Variants in ZNF469 observed in about 807,000 individuals in gnomAD.
The protein encoded by ZNF469 is zinc finger protein 469.
In ZNF469, 1 loss-of-function variant was observed where a neutral mutation model predicts 1.0. That is an observed-to-expected ratio of 1.00 (90% CI 0.35 to 4.73). The LOEUF is 4.73. ZNF469 is among the 30% of genes most tolerant of loss of function. The pLI is 0.16. For missense variants in ZNF469, 6,100 were observed against 5,356.3 expected (o/e 1.14, Z -4.33); for synonymous variants, 2,703 against 2,363.4 (o/e 1.14, Z -4.17).
At chr16:88,112,756 C>G in the ZNF469 span, among the ~76,000 whole-genome samples, 1 of 146,440 alleles carries the variant, frequency 6.8e-6, no homozygotes, top group South Asian at 2.2e-4. Context: ...GGATTGCTCT[C>G]TCTGCTGTGC....
chr16:88,353,098 C>T, the ZNF469 span, among the ~76,000 whole-genome samples: 1 of 152,138 alleles, frequency 6.6e-6, no homozygotes, highest in Non-Finnish European at 1.5e-5. Flanking sequence ...GAGGGAAACC[C>T]TTAGGTGGGC....
intron 1 of ZNF469, among the ~76,000 whole-genome samples, chr16:88,392,036 T>C (rs1904505161): frequency 6.6e-6 from 1 of 152,252 alleles, no homozygotes; most frequent in Non-Finnish European, 1.5e-5. Context: ...ATACAATATC[T>C]TATGCAGGCT....
At chr16:88,294,236 G>A in the ZNF469 span, among the ~76,000 whole-genome samples, 1 of 152,232 alleles carries the variant, frequency 6.6e-6, no homozygotes, top group African/African-American at 2.4e-5. Flanking sequence ...AGAACCAACT[G>A]TGCAGAACCA....
chr16:88,146,341 G>C, the ZNF469 span, among the ~76,000 whole-genome samples: 1 of 152,298 alleles, frequency 6.6e-6, no homozygotes, highest in Admixed American at 6.5e-5. Context: ...GGCTGTCTTT[G>C]TGCCTGCTCC....
the ZNF469 span, among the ~76,000 whole-genome samples, chr16:88,136,298 C>T: frequency 6.6e-6 from 1 of 152,252 alleles, no homozygotes; most frequent in Non-Finnish European, 1.5e-5. Context: ...GCCCGCCCTA[C>T]AGGCACAGAT....
chr16:88,359,015 C>A, the ZNF469 span, among the ~76,000 whole-genome samples: 1 of 152,178 alleles, frequency 6.6e-6, no homozygotes, highest in Non-Finnish European at 1.5e-5. Context: ...CTCACTTCTA[C>A]GGGGACTCCC....
At chr16:88,135,192 C>T in the ZNF469 span, among the ~76,000 whole-genome samples, 2 of 152,234 alleles carry the variant, frequency 1.3e-5, no homozygotes, top group African/African-American at 2.4e-5. Flanking sequence ...ATGAAGGAAT[C>T]GTCTCTGTAA....
the ZNF469 span, among the ~76,000 whole-genome samples, chr16:88,213,849 G>T: frequency 2.7e-3 from 416 of 152,290 alleles, 1 homozygote; most frequent in African/African-American, 9.7e-3. Flanking sequence ...TTTGCTCCCA[G>T]CTTTCCGCAG....
chr16:88,264,126 C>T, the ZNF469 span, among the ~76,000 whole-genome samples: 10 of 152,226 alleles, frequency 6.6e-5, no homozygotes, highest in Middle Eastern at 3.4e-3. Flanking sequence ...ACAGGGGCCA[C>T]GTCCTCTGCA....
At chr16:88,417,476 C>A (rs904141879) in intron 1 of ZNF469, among the ~76,000 whole-genome samples, 1 of 152,192 alleles carries the variant, frequency 6.6e-6, no homozygotes, top group Admixed American at 6.5e-5. Context: ...CCTTGGGATA[C>A]CCGCCTGGCT....
At chr16:88,142,541 T>C in the ZNF469 span, among the ~76,000 whole-genome samples, 1 of 152,146 alleles carries the variant, frequency 6.6e-6, no homozygotes, top group Non-Finnish European at 1.5e-5. Context: ...AGAAGGTCCT[T>C]ATCAACAGCA....
At chr16:88,224,314 C>T in the ZNF469 span, among the ~76,000 whole-genome samples, 2 of 152,178 alleles carry the variant, frequency 1.3e-5, no homozygotes, top group Non-Finnish European at 2.9e-5. Context: ...GTTAGCCAAG[C>T]GGATTGAGCC....
At chr16:88,184,956 A>T in the ZNF469 span, among the ~76,000 whole-genome samples, 8 of 151,870 alleles carry the variant, frequency 5.3e-5, no homozygotes, top group African/African-American at 1.9e-4. Context: ...ATGTGAACAC[A>T]CTCATGCACA....
At chr16:88,389,988 G>A (rs772295634) in intron 1 of ZNF469, among the ~76,000 whole-genome samples, 13 of 152,222 alleles carry the variant, frequency 8.5e-5, no homozygotes, top group African/African-American at 1.4e-4. Flanking sequence ...GGAGGGCCCC[G>A]CTACGCTGCC....
At chr16:88,183,286 C>T in the ZNF469 span, among the ~76,000 whole-genome samples, 128,240 of 152,108 alleles carry the variant, frequency 0.84, 55,008 homozygotes, top group East Asian at 1. Context: ...ACCCTTAACA[C>T]GGGCTCCAGC....
chr16:88,189,015 C>T, the ZNF469 span, among the ~76,000 whole-genome samples: 1 of 152,084 alleles, frequency 6.6e-6, no homozygotes, highest in African/African-American at 2.4e-5. The surrounding 1 kb of genome is among the most constrained non-coding windows in gnomAD (Gnocchi z 4.3). Context: ...CCTTCTTTCT[C>T]AAACCTTGTG....
At chr16:88,261,981 G>A in the ZNF469 span, among the ~76,000 whole-genome samples, 10 of 152,250 alleles carry the variant, frequency 6.6e-5, no homozygotes, top group African/African-American at 1.9e-4. The surrounding 1 kb of genome is among the most constrained non-coding windows in gnomAD (Gnocchi z 6.0). Flanking sequence ...CTGAAGCTCC[G>A]GCCTCCTCTC....
the ZNF469 span, among the ~76,000 whole-genome samples, chr16:88,339,219 CGGGGATAGGATAGCA>C: frequency 6.9e-5 from 4 of 58,030 alleles, no homozygotes; most frequent in Admixed American, 2.5e-4. Context: ...GCAGGGTGAT[CGGGGATAGGATAGCA>C]GGGGATAGGA....
the ZNF469 span, among the ~76,000 whole-genome samples, chr16:88,364,344 GT>G: frequency 1.3e-5 from 2 of 152,092 alleles, no homozygotes; most frequent in African/African-American, 4.8e-5. Context: ...CAATATCACT[GT>G]TTTCATTACT....
Sources: allele counts gnomAD v4.1 joint callset (sites outside exome capture counted in the v4.1 genomes callset), GRCh38; gene constraint gnomAD v4.1.1; non-coding constraint Gnocchi (gnomAD v3.1); transcripts MANE v1.5; gene names NCBI Gene and HGNC (gene_info 2026-07-23, HGNC 2026-07-21).